KAZN: variants seen among roughly 807,000 people sequenced by gnomAD.
KAZN encodes kazrin, periplakin interacting protein, also known as kazrin.
KAZN carries 40 observed loss-of-function variants against 87.4 expected under a neutral mutation model. The observed-to-expected ratio is 0.46, with a 90% CI of 0.36 to 0.60. The LOEUF is 0.60. Among genes scored for constraint, KAZN ranks in the 20% least tolerant of loss-of-function variants. The pLI, the probability that KAZN is intolerant of heterozygous loss-of-function variation, is 0.00. For missense variants in KAZN, 898 were observed against 1,073.9 expected (o/e 0.84, Z 2.29); for synonymous variants, 466 against 458.3 (o/e 1.02, Z -0.22).
rs66777443 is a variant in KAZN, at chr1:14,940,898, C to CTTTTTTTTTTT, written c.227-19765_227-19755dup. Among the ~76,000 whole-genome samples, 9 of 54,404 alleles carry CTTTTTTTTTTT rather than the reference C, an allele frequency of 1.7e-4. 1 individual carries two copies. The highest frequency in any genetic ancestry group is 7.5e-4 in the African/African-American group (9 of 12,018). The allele number at this position is 54,404 out of a possible 152,430, so 35.7% of individuals were successfully genotyped here. ...ACCAGACAGATGTCATTCTACCTTT[C>CTTTTTTTTTTT]TTTTTTTTTTTTTTTTTTTTTTTTT... On this transcript the variant is annotated intron_variant, in intron 1 of 14. Coordinates refer to ENST00000376030, the MANE Select transcript of KAZN (RefSeq NM_201628.3).
intron 2 of KAZN, among the ~76,000 whole-genome samples, chr1:14,470,889 A>G (rs1571730048): frequency 6.6e-6 from 1 of 152,172 alleles, no homozygotes; most frequent in African/African-American, 2.4e-5. Context: ...TGTGGCTTCC[A>G]TCTGGCTCTC....
At chr1:14,236,393 AG>A (rs946936073) in intron 2 of KAZN, among the ~76,000 whole-genome samples, 8 of 152,228 alleles carry the variant, frequency 5.3e-5, no homozygotes, top group Middle Eastern at 3.4e-3. Flanking sequence ...CTTGTGCAGT[AG>A]GATTGACTTC....
chr1:14,469,196 T>C (rs1262783037), intron 2 of KAZN, among the ~76,000 whole-genome samples: 3 of 152,088 alleles, frequency 2.0e-5, no homozygotes, highest in Non-Finnish European at 2.9e-5. Context: ...AACCAGATTA[T>C]GGGGGAATGT....
At chr1:14,064,300 A>C (rs1287848308) in intron 1 of KAZN, among the ~76,000 whole-genome samples, 5 of 152,164 alleles carry the variant, frequency 3.3e-5, no homozygotes, top group Admixed American at 3.3e-4. Flanking sequence ...TGACAGCGAC[A>C]TCAAGGCTTT....
chr1:15,066,952 C>T lies in KAZN; in HGVS notation c.1222+1199C>T, dbSNP rs1639266862. On this transcript the variant is annotated intron_variant, in intron 8 of 14. Transcript: ENST00000376030. This position sits in a 1 kb window ranked among gnomAD's most constrained non-coding sequence, Gnocchi z 4.3. ...GAACACGACTTTAGTGAGCAGAGTG[C>T]TGACAGTCATGGTCCCCTTCTTTGG... 2.5e-5 allele frequency: 25 copies of T among 985,362 alleles called. No individual in the cohort carries two copies. Among genetic ancestry groups the T allele is most frequent in the East Asian group, 1.1e-4 (1 of 8,828 alleles). The allele number at this position is 985,362 out of a possible 1,614,324, so 61.0% of individuals were successfully genotyped here.
chr1:14,922,787 G>C (rs1658669902), intron 1 of KAZN, among the ~76,000 whole-genome samples: 1 of 110,960 alleles, frequency 9.0e-6, no homozygotes, highest in African/African-American at 3.8e-5. Flanking sequence ...GCGAGACTCT[G>C]TCTCAAAAAA....
intron 1 of KAZN, among the ~76,000 whole-genome samples, chr1:13,965,022 G>A (rs1641893549): frequency 6.6e-6 from 1 of 152,086 alleles, no homozygotes; most frequent in African/African-American, 2.4e-5. Flanking sequence ...GGACGCACCT[G>A]GGGCATTCCA....
At chr1:14,652,896 A>G (rs201691966) in intron 1 of KAZN, among the ~76,000 whole-genome samples, 7 of 148,306 alleles carry the variant, frequency 4.7e-5, no homozygotes, top group Non-Finnish European at 9.0e-5. Context: ...GCTGGGAGAG[A>G]GGGGGGTGCC....
intron 1 of KAZN, among the ~76,000 whole-genome samples, chr1:14,156,647 A>G (rs766048364): frequency 2.0e-5 from 3 of 152,192 alleles, no homozygotes; most frequent in African/African-American, 4.8e-5. Context: ...TGATATGAGT[A>G]TAGTAACTCC....
intron 1 of KAZN, among the ~76,000 whole-genome samples, chr1:14,786,082 G>C (rs1488860820): frequency 2.0e-5 from 3 of 152,162 alleles, no homozygotes; most frequent in Non-Finnish European, 4.4e-5. Context: ...GTCTACAGTA[G>C]GTGCTCAGTA....
At chr1:14,419,303 A>T (rs1231980417) in intron 2 of KAZN, among the ~76,000 whole-genome samples, 1 of 152,170 alleles carries the variant, frequency 6.6e-6, no homozygotes, top group African/African-American at 2.4e-5. Flanking sequence ...AAAGAAAGAA[A>T]GGCCGGGTCT....
Position 14,662,964 on chromosome 1 carries a change from C to CATATATATAT in KAZN, c.226+63750_226+63759dup, listed in dbSNP as rs141562526. Reference sequence around the variant, plus strand: ...ATGTAAATATATATATATATGCACACATATATATATATATATATTTTAGAG... The same window carrying CATATATATAT: ...ATGTAAATATATATATATATGCACACATATATATATATATATATATATATATATTTTAGAG... On this transcript the variant is annotated intron_variant, in intron 1 of 14. Coordinates refer to ENST00000376030, the MANE Select transcript of KAZN (RefSeq NM_201628.3). 1.1e-3 allele frequency among the ~76,000 whole-genome samples: 136 copies of CATATATATAT among 127,958 alleles called. 2 individuals are homozygous for CATATATATAT. The highest frequency in any genetic ancestry group is 3.7e-3 in the African/African-American group (127 of 34,274). The allele number at this position is 127,958 out of a possible 152,430, so 83.9% of individuals were successfully genotyped here.
At chr1:14,586,944 T>C (rs1675889020) in intron 2 of KAZN, among the ~76,000 whole-genome samples, 1 of 152,210 alleles carries the variant, frequency 6.6e-6, no homozygotes, top group Admixed American at 6.5e-5. Context: ...CCTCACTTGC[T>C]GACAATTAAA....
At chr1:14,381,201 A>T (rs1389096907) in intron 2 of KAZN, among the ~76,000 whole-genome samples, 1 of 152,212 alleles carries the variant, frequency 6.6e-6, no homozygotes, top group African/African-American at 2.4e-5. Flanking sequence ...TACATCAGAA[A>T]GGTATAACAA....
chr1:14,031,443 T>C (rs1009952614), intron 1 of KAZN, among the ~76,000 whole-genome samples: 1 of 152,250 alleles, frequency 6.6e-6, no homozygotes, highest in Non-Finnish European at 1.5e-5. Flanking sequence ...TTTAATTCGT[T>C]GCTCCATGTA....
At chr1:14,694,991 G>T (rs1240695638) in intron 1 of KAZN, among the ~76,000 whole-genome samples, 5 of 152,266 alleles carry the variant, frequency 3.3e-5, no homozygotes, top group African/African-American at 1.2e-4. Context: ...CTGGGAATTG[G>T]AGGTCAGTCC....
At chr1:14,405,572 A>C (rs897955665) in intron 2 of KAZN, among the ~76,000 whole-genome samples, 1 of 150,892 alleles carries the variant, frequency 6.6e-6, no homozygotes, top group Non-Finnish European at 1.5e-5. Context: ...TTACCATATT[A>C]ATCAGCATCC....
chr1:14,559,599 A>T (rs6429667), intron 2 of KAZN, among the ~76,000 whole-genome samples: 73 of 152,334 alleles, frequency 4.8e-4, no homozygotes, highest in African/African-American at 1.7e-3. Flanking sequence ...AAGATACTGT[A>T]AATTCCCAAG....
intron 1 of KAZN, among the ~76,000 whole-genome samples, chr1:14,642,268 C>T (rs537450857): frequency 5.1e-4 from 78 of 152,242 alleles, no homozygotes; most frequent in African/African-American, 1.7e-3. Context: ...GGCGTGGTGG[C>T]GCGTGCCTGT....
Sources: gnomAD v4.1 joint callset for allele counts (sites outside exome capture counted in the v4.1 genomes callset) on GRCh38, gnomAD v4.1.1 for gene constraint, Gnocchi (gnomAD v3.1) non-coding constraint, MANE v1.5 for transcripts, NCBI Gene and HGNC (gene_info 2026-07-23, HGNC 2026-07-21) for gene names.